CHN1: variants seen among roughly 807,000 people sequenced by gnomAD.
The protein encoded by CHN1 is chimerin 1.
In CHN1, 37 loss-of-function variants were observed where a neutral mutation model predicts 59.5. The observed-to-expected ratio is 0.62, with a 90% confidence interval of 0.48 to 0.82. CHN1 has a LOEUF of 0.82. Among genes scored for constraint, CHN1 ranks in the 40% least tolerant of loss-of-function variants. The pLI is 0.00. For missense variants in CHN1, 469 were observed against 571.0 expected, an observed-to-expected ratio of 0.82 and a Z score of 1.82; for synonymous variants, 206 against 200.4, an observed-to-expected ratio of 1.03 and a Z score of -0.24.
chr2:174,827,563 T>C (rs779810747), intron 7 of CHN1, among the ~76,000 whole-genome samples: 9 of 152,076 alleles, frequency 5.9e-5, no homozygotes, highest in Non-Finnish European at 1.0e-4. Flanking sequence ...CAAATTTGTA[T>C]TCTGTCCAGT....
intron 1 of CHN1, among the ~76,000 whole-genome samples, chr2:174,984,366 C>CTTTTTTT: frequency 8.5e-6 from 1 of 117,186 alleles, no homozygotes; most frequent in African/African-American, 3.3e-5. Flanking sequence ...GTTTTATAAG[C>CTTTTTTT]TTTTTTTTTT....
Position 174,878,083 on chromosome 2 carries a change from C to T in CHN1, c.306G>A (p.Lys102=). The change falls in exon 6 of 13, where the codon AAG becomes AAA. Residue 102 remains lysine, a synonymous_variant. Transcript: ENST00000409900. ...TRNFRLYYDG[K]HFVGEKRFES... The stretch of plus-strand genomic sequence containing the variant: ...CAAAGCGTTTCTCCCCAACAAAGTG[C>T]TTGCCATCGTAGTAGAGCCTGAAGT... The T allele has an allele frequency of 1.9e-6, 3 of 1,609,602 alleles. No homozygotes were observed. The highest frequency in any genetic ancestry group is 1.7e-5 in the Admixed American group (1 of 59,918).
Position 174,814,538 on chromosome 2 carries a change from T to C in CHN1, c.713-2056A>G, listed in dbSNP as rs188081208. 3.3e-5 allele frequency among the ~76,000 whole-genome samples: 5 copies of C among 152,306 alleles called. No homozygotes were observed. In the East Asian group the frequency reaches 7.7e-4, roughly 23 times the overall value. The stretch of plus-strand genomic sequence containing the variant: ...TATTAGCTGTGTGATTTTGAGTGAG[T>C]TGCTCAAATTTCCTGTACCTCAGTT... On this transcript the variant is annotated intron_variant, in intron 8 of 12. Coordinates refer to ENST00000409900, the MANE Select transcript of CHN1 (RefSeq NM_001822.7).
chr2:174,953,758 G>A (rs1476695837), intron 1 of CHN1, among the ~76,000 whole-genome samples: 1 of 152,112 alleles, frequency 6.6e-6, no homozygotes, highest in African/African-American at 2.4e-5. Context: ...CCTCTGCAAG[G>A]AAAACTGCAA....
chr2:174,837,224 C>A (rs1227286711), intron 7 of CHN1: 2 of 152,158 alleles, frequency 1.3e-5, no homozygotes, highest in Non-Finnish European at 2.9e-5. Flanking sequence ...AATTAGCACA[C>A]CCCCTAGAGA....
chr2:174,847,594 G>A lies in CHN1; in HGVS notation c.550-637C>T, dbSNP rs985440134. The stretch of plus-strand genomic sequence containing the variant: ...CAACAGACACCCTATGAAGCCCCTA[G>A]CAGGGAAGGTGGGGGGAAGGGAGGG... On this transcript the variant is annotated intron_variant, in intron 6 of 12. Transcript: ENST00000409900. The A allele has an allele frequency of 3.1e-6, 4 of 1,311,228 alleles. No individual in the cohort carries two copies. The African/African-American group carries it at 6.1e-5, about 20-fold the overall frequency. The allele number at this position is 1,311,228 out of a possible 1,614,324, so 81.2% of individuals were successfully genotyped here. A position where few individuals can be genotyped will look rare whatever the true frequency, so the allele number is the denominator to read the frequency against.
chr2:174,968,953 T>TC (rs1210533685), intron 1 of CHN1, among the ~76,000 whole-genome samples: 1 of 152,216 alleles, frequency 6.6e-6, no homozygotes, highest in East Asian at 1.9e-4. Flanking sequence ...TTAGTCTTTA[T>TC]CCCATTGAAT....
At chr2:174,936,389 C>A (rs1689496743) in intron 3 of CHN1, among the ~76,000 whole-genome samples, 1 of 152,100 alleles carries the variant, frequency 6.6e-6, no homozygotes, top group Admixed American at 6.5e-5. Flanking sequence ...AGATATGGAG[C>A]TTCTCTCATA....
chr2:174,833,591 T>C (rs1224203046), intron 7 of CHN1, among the ~76,000 whole-genome samples: 1 of 152,190 alleles, frequency 6.6e-6, no homozygotes, highest in Non-Finnish European at 1.5e-5. Context: ...AACCTGACAA[T>C]CTCTGCCTTT....
In CHN1 at chr2:175,005,044, C is replaced by T; in HGVS notation, c.-132G>A. ...CGATGGGGCGTGCTGGGGGCGCCGGCGCCCGGGGAGGCTGCAGGCCGGGAC... is the reference window on the plus strand; with the variant it reads ...CGATGGGGCGTGCTGGGGGCGCCGGTGCCCGGGGAGGCTGCAGGCCGGGAC... On this transcript the variant is annotated 5_prime_UTR_variant, in exon 1 of 13. Transcript: ENST00000409900. The T allele has an allele frequency of 7.2e-7, 1 of 1,380,764 alleles. No individual in the cohort carries two copies. The highest frequency in any genetic ancestry group is 9.4e-7 in the Non-Finnish European group (1 of 1,063,552). 85.5% of individuals were successfully genotyped at this position (1,380,764 alleles called of 1,614,324 possible). A position where few individuals can be genotyped will look rare whatever the true frequency, so the allele number is the denominator to read the frequency against.
At chr2:174,980,831 C>T (rs921799793) in intron 1 of CHN1, among the ~76,000 whole-genome samples, 1 of 152,132 alleles carries the variant, frequency 6.6e-6, no homozygotes, top group African/African-American at 2.4e-5. Context: ...TATCACTCTT[C>T]CAGTGACTTG....
intron 1 of CHN1, among the ~76,000 whole-genome samples, chr2:174,987,052 T>C (rs1691372994): frequency 6.6e-6 from 1 of 152,216 alleles, no homozygotes; most frequent in South Asian, 2.1e-4. Flanking sequence ...ATTATTTTGT[T>C]AATAACATTT....
Position 174,852,148 on chromosome 2 carries a change from G to C in CHN1, c.550-5191C>G, listed in dbSNP as rs147724645. 4.2e-3 allele frequency among the ~76,000 whole-genome samples: 638 copies of C among 151,976 alleles called. 5 individuals carry two copies. The highest frequency in any genetic ancestry group is 0.013 in the African/African-American group (524 of 41,434). On this transcript the variant is annotated intron_variant, in intron 6 of 12. Transcript: ENST00000409900. ...AAAAAAAAATACAAAAATTAGCCGG[G>C]TGTGGTGGCAGGCACCTGTAACCTC...
At chr2:174,924,950 T>A (rs1281436981) in intron 3 of CHN1, among the ~76,000 whole-genome samples, 1 of 152,228 alleles carries the variant, frequency 6.6e-6, no homozygotes, top group East Asian at 1.9e-4. Flanking sequence ...ATGCTTTGCT[T>A]TCTCCAATTT....
At chr2:174,858,782 G>C (rs1686981398) in intron 6 of CHN1, among the ~76,000 whole-genome samples, 1 of 151,928 alleles carries the variant, frequency 6.6e-6, no homozygotes, top group East Asian at 1.9e-4. Flanking sequence ...GTCCCATATG[G>C]AACTCAGTAT....
At chr2:174,979,763 C>A (rs1691079313) in intron 1 of CHN1, among the ~76,000 whole-genome samples, 1 of 152,176 alleles carries the variant, frequency 6.6e-6, no homozygotes, top group Admixed American at 6.5e-5. Context: ...CGCCTGTAGT[C>A]CCAGCTACTC....
At chr2:174,910,337 T>C (rs1196274030) in intron 5 of CHN1, among the ~76,000 whole-genome samples, 2 of 152,180 alleles carry the variant, frequency 1.3e-5, no homozygotes, top group African/African-American at 4.8e-5. Context: ...TAAGTCAAAG[T>C]TAATGCATAA....
At chr2:174,931,799 G>C (rs747438218) in intron 3 of CHN1, among the ~76,000 whole-genome samples, 1 of 152,142 alleles carries the variant, frequency 6.6e-6, no homozygotes, top group Non-Finnish European at 1.5e-5. Flanking sequence ...GCATATGAAC[G>C]AATGAGCCAA....
At chr2:174,941,987 C>T (rs1193629) in intron 3 of CHN1, among the ~76,000 whole-genome samples, 70,439 of 151,976 alleles carry the variant, frequency 0.46, 17,225 homozygotes, top group African/African-American at 0.6. Flanking sequence ...CCAGTTAGTA[C>T]AGCTACTATC....
Sources: gnomAD v4.1 joint callset for allele counts (sites outside exome capture counted in the v4.1 genomes callset) on GRCh38, gnomAD v4.1.1 for gene constraint, MANE v1.5 for transcripts, NCBI Gene and HGNC (gene_info 2026-07-23, HGNC 2026-07-21) for gene names.